Variants in RIMS1 observed in about 807,000 individuals in gnomAD.
The protein encoded by RIMS1 is regulating synaptic membrane exocytosis protein 1.
A neutral mutation model predicts 214.1 loss-of-function variants in RIMS1; 83 were observed. The observed-to-expected ratio is 0.39, with a 90% confidence interval of 0.32 to 0.47. The LOEUF (loss-of-function observed/expected upper bound fraction) is 0.47. Among genes scored for constraint, RIMS1 ranks in the 20% least tolerant of loss-of-function variants. The pLI, the probability that RIMS1 is intolerant of heterozygous loss-of-function variation, is 0.99. For missense variants in RIMS1, 2,050 were observed against 2,161.8 expected, an observed-to-expected ratio of 0.95 and a Z score of 1.03; for synonymous variants, 793 against 786.8, an observed-to-expected ratio of 1.01 and a Z score of -0.13.
At chr6:72,322,305 T>C (rs892297699) in intron 28 of RIMS1, among the ~76,000 whole-genome samples, 1 of 152,130 alleles carries the variant, frequency 6.6e-6, no homozygotes, top group African/African-American at 2.4e-5. Context: ...TGCCATTCTG[T>C]GGCAGAAGCA....
intron 2 of RIMS1, among the ~76,000 whole-genome samples, chr6:71,974,306 C>T (rs1169644843): frequency 1.3e-5 from 2 of 151,844 alleles, no homozygotes; most frequent in East Asian, 3.9e-4. Context: ...TGTGTGTGGG[C>T]ATGCGTATAG....
Position 72,294,066 on chromosome 6 carries a change from C to T in RIMS1, c.3850+2020C>T, listed in dbSNP as rs866653689. On this transcript the variant is annotated intron_variant, in intron 26 of 33. Transcript: ENST00000521978. ...ATAAATGTTCTATAAATAAAAGAGA[C>T]CTGGTTGGTGTTTTTTATGATATAA... Among the ~76,000 whole-genome samples, 64 of 151,270 alleles carry T rather than the reference C, an allele frequency of 4.2e-4. 1 individual carries two copies. Among genetic ancestry groups the T allele is most frequent in the African/African-American group, 1.5e-3 (61 of 41,398 alleles).
At chr6:72,277,179 A>G (rs1387124594) in intron 23 of RIMS1, among the ~76,000 whole-genome samples, 2 of 152,214 alleles carry the variant, frequency 1.3e-5, no homozygotes, top group African/African-American at 2.4e-5. Flanking sequence ...ACAGACACAC[A>G]ATTTTTAGAG....
intron 22 of RIMS1, 87 bp from the exon 23 acceptor site, chr6:72,274,262 T>G (rs1007970349): frequency 1.9e-5 from 17 of 878,716 alleles, no homozygotes; most frequent in Non-Finnish European, 3.0e-5. Context: ...ATGGGGTGCT[T>G]TTCCAGTCCT....
chr6:72,312,891 A>G (rs1023933293), intron 27 of RIMS1, among the ~76,000 whole-genome samples: 13 of 152,202 alleles, frequency 8.5e-5, no homozygotes, highest in African/African-American at 2.9e-4. Flanking sequence ...CAGGTCAAGT[A>G]TCCCTTACCC....
intron 2 of RIMS1, among the ~76,000 whole-genome samples, chr6:72,035,721 A>G (rs1819444588): frequency 1.3e-5 from 2 of 152,192 alleles, no homozygotes. Context: ...ACTCATGGGA[A>G]GAAGAGAAAG....
intron 6 of RIMS1, among the ~76,000 whole-genome samples, chr6:72,217,565 CAA>C (rs2056726893): frequency 1.3e-5 from 2 of 152,150 alleles, no homozygotes; most frequent in Non-Finnish European, 2.9e-5. Context: ...TCTGATGGAT[CAA>C]AGAGTTTGCT....
At chr6:71,959,574 TC>T (rs1792298109) in intron 1 of RIMS1, among the ~76,000 whole-genome samples, 1 of 151,746 alleles carries the variant, frequency 6.6e-6, no homozygotes, top group Non-Finnish European at 1.5e-5. Context: ...GGCATCAATT[TC>T]CCCCTCTGCT....
rs1767845336 is a variant in RIMS1 at position 71,886,602 on chromosome 6, C to G, written c.-422C>G. On this transcript the variant is annotated 5_prime_UTR_variant, in exon 1 of 34. Transcript: ENST00000521978. ...AGCCTCCACGGCGGCAGCGGCCGCC[C>G]CAGTCCCAGCCCCAGCCCCAGCCCC... The G allele has an allele frequency of 1.4e-5, 1 of 69,448 alleles. No individual in the cohort carries two copies. The highest frequency in any genetic ancestry group is 3.8e-4 in the East Asian group (1 of 2,640). 4.3% of individuals were successfully genotyped at this position (69,448 alleles called of 1,614,324 possible).
intron 28 of RIMS1, among the ~76,000 whole-genome samples, chr6:72,316,234 G>T (rs901755724): frequency 6.6e-6 from 1 of 152,148 alleles, no homozygotes; most frequent in Non-Finnish European, 1.5e-5. Flanking sequence ...CTTCAGGCTG[G>T]ATCTACCATT....
intron 24 of RIMS1, among the ~76,000 whole-genome samples, chr6:72,285,545 TG>T (rs1162654597): frequency 6.6e-6 from 1 of 151,890 alleles, no homozygotes; most frequent in Non-Finnish European, 1.5e-5. Flanking sequence ...CAGTGGTCCA[TG>T]GAGAAATTGA....
intron 1 of RIMS1, among the ~76,000 whole-genome samples, chr6:71,915,853 C>T (rs1281874276): frequency 1.3e-5 from 2 of 152,036 alleles, no homozygotes; most frequent in African/African-American, 4.8e-5. Context: ...ACAATCATGG[C>T]AGAAGGCAAA....
At chr6:72,384,822 G>A (rs138271813) in intron 29 of RIMS1, among the ~76,000 whole-genome samples, 7 of 152,120 alleles carry the variant, frequency 4.6e-5, no homozygotes, top group African/African-American at 9.6e-5. Flanking sequence ...TATTACTGTT[G>A]TATCTGAAAC....
chr6:72,160,306 A>T (rs887807643), intron 4 of RIMS1, among the ~76,000 whole-genome samples: 1 of 139,576 alleles, frequency 7.2e-6, no homozygotes. Flanking sequence ...GGTTTTCTAG[A>T]TATACAATCA....
intron 4 of RIMS1, among the ~76,000 whole-genome samples, chr6:72,144,732 C>CCCAT (rs1239019695): frequency 2.0e-5 from 3 of 152,066 alleles, no homozygotes; most frequent in African/African-American, 7.2e-5. Context: ...TTTTACATTA[C>CCCAT]CCATCCCTTT....
At chr6:72,219,818 T>TA (rs943700871) in intron 6 of RIMS1, among the ~76,000 whole-genome samples, 2 of 151,994 alleles carry the variant, frequency 1.3e-5, no homozygotes, top group African/African-American at 4.8e-5. Flanking sequence ...ATTTTTTTTT[T>TA]ACTTTTATTT....
chr6:72,342,987 T>C (rs893437762), intron 29 of RIMS1, among the ~76,000 whole-genome samples: 1 of 151,746 alleles, frequency 6.6e-6, no homozygotes, highest in Admixed American at 6.6e-5. Flanking sequence ...AGTGAGGATA[T>C]AGGGTGAGCA....
intron 4 of RIMS1, among the ~76,000 whole-genome samples, chr6:72,170,552 C>T (rs1299894647): frequency 6.6e-6 from 1 of 152,046 alleles, no homozygotes; most frequent in Non-Finnish European, 1.5e-5. Context: ...ACTATGTTGG[C>T]CAAGCTGGTC....
intron 2 of RIMS1, among the ~76,000 whole-genome samples, chr6:72,048,507 G>A (rs1273971332): frequency 6.6e-6 from 1 of 152,112 alleles, no homozygotes; most frequent in East Asian, 1.9e-4. Flanking sequence ...CAAGAGTTGT[G>A]TGATAACATC....
Sources: gnomAD v4.1 joint callset for allele counts (sites outside exome capture counted in the v4.1 genomes callset) on GRCh38, gnomAD v4.1.1 for gene constraint, MANE v1.5 for transcripts, NCBI Gene and HGNC (gene_info 2026-07-23, HGNC 2026-07-21) for gene names.